Variants in ZFP30 observed in about 807,000 individuals in gnomAD.
ZFP30 encodes ZFP30 zinc finger protein, also known as zinc finger protein 30 homolog.
A neutral mutation model predicts 12.3 loss-of-function variants in ZFP30; 16 were observed. That is an observed-to-expected ratio of 1.30 (90% CI 0.88 to 1.98). The LOEUF is 1.98. Among genes scored for constraint, ZFP30 ranks in the 30% most tolerant of loss-of-function variants. The probability of loss-of-function intolerance (pLI) is 0.00; values close to 1 mark genes in which losing one functional copy is unlikely to be tolerated. For missense variants in ZFP30, 560 were observed against 611.2 expected (o/e 0.92, Z 0.88); for synonymous variants, 172 against 201.0 (o/e 0.86, Z 1.22).
rs772291024 is a variant in ZFP30 at position 37,635,336 on chromosome 19, C to T, written c.1205G>A (p.Gly402Asp). 1.2e-6 allele frequency: 2 copies of T among 1,614,000 alleles called. No homozygotes were observed. Among genetic ancestry groups the T allele is most frequent in the East Asian group, 2.2e-5 (1 of 44,874 alleles). ...RRYSELISHQ[G>D]IHIGEKPYEC... ...ATAAGGTTTCTCTCCAATGTGAATA[C>T]CCTGATGTGAAATAAGTTCTGAGTA... The change falls in exon 6 of 6, where the codon GGT becomes GAT. Residue 402 changes from glycine to aspartate, a missense_variant. By Grantham distance (94) the Gly-to-Asp change is moderately conservative. Coordinates refer to ENST00000684514, the MANE Select transcript of ZFP30 (RefSeq NM_001320669.3).
rs760883562 is a variant in ZFP30 at position 37,636,025 on chromosome 19, T to C, written c.516A>G (p.Gln172=). 6.2e-7 allele frequency: 1 copy of C among 1,613,890 alleles called. No homozygotes were observed. The highest frequency in any genetic ancestry group is 8.5e-7 in the Non-Finnish European group (1 of 1,179,918). ...ECGKAFRVRQ[Q]LTFHQRIHTG... is the part of the protein sequence containing the mutation. ...TATGAATTCTTTGATGGAAAGTAAG[T>C]TGTTGTCGTACTCTAAAAGCCTTCC... Residue 172 remains glutamine, a synonymous_variant, in exon 6 of 6, where the codon CAA becomes CAG. Coordinates refer to ENST00000684514, the MANE Select transcript of ZFP30 (RefSeq NM_001320669.3).
At chr19:37,651,427 T>C (rs1177323056) in intron 2 of ZFP30, 1 of 151,946 alleles carries the variant, frequency 6.6e-6, no homozygotes, top group Non-Finnish European at 1.5e-5. Flanking sequence ...ATACAAAAAA[T>C]TACCTGAGCA....
intron 3 of ZFP30, among the ~76,000 whole-genome samples, chr19:37,647,052 A>G (rs2044556432): frequency 6.6e-6 from 1 of 152,166 alleles, no homozygotes; most frequent in South Asian, 2.1e-4. Context: ...GACCTTGCAT[A>G]CTAGTCTACA....
chr19:37,646,087 A>T lies in ZFP30; in HGVS notation c.10-1351T>A, dbSNP rs566694465. 2.0e-5 allele frequency among the ~76,000 whole-genome samples: 3 copies of T among 152,290 alleles called. No homozygotes were observed. The South Asian group carries it at 6.2e-4, about 32-fold the overall frequency. ...CATGCCATTCTGAGTAGCATGACGA[A>T]ATCTCACACTAACCACTCCGCCCCA... is the stretch of plus-strand genomic sequence containing the variant. On this transcript the variant is annotated intron_variant, in intron 3 of 5. Transcript: ENST00000684514.
At chr19:37,651,961 A>C (rs1242938585) in intron 2 of ZFP30, among the ~76,000 whole-genome samples, 1 of 152,244 alleles carries the variant, frequency 6.6e-6, no homozygotes, top group Admixed American at 6.5e-5. Context: ...ATATATGATT[A>C]GATTTTTTAG....
At chr19:37,642,944 T>C (rs1229930284) in intron 5 of ZFP30, among the ~76,000 whole-genome samples, 1 of 145,422 alleles carries the variant, frequency 6.9e-6, no homozygotes, top group Non-Finnish European at 1.5e-5. Context: ...TCCCAGCTAC[T>C]GGGGAGGCTG....
Position 37,643,302 on chromosome 19 carries a change from C to CCA in ZFP30, c.196_197dup (p.Trp66CysfsTer5). On this transcript the variant is annotated frameshift_variant, in exon 5 of 6. Coordinates refer to ENST00000684514, the MANE Select transcript of ZFP30 (RefSeq NM_001320669.3). LOFTEE classifies it low-confidence loss of function (END_TRUNC). ...TTCTTTTCTCATCCCTCACAACCAT[C>CCA]CAGGGCTCTTTCCCTTGTTCCAATA... 4 of 1,611,314 alleles carry CCA rather than the reference C, an allele frequency of 2.5e-6. No homozygotes were observed. Among genetic ancestry groups the CCA allele is most frequent in the Non-Finnish European group, 3.4e-6 (4 of 1,178,964 alleles).
In ZFP30 at chr19:37,647,931, A is replaced by G. The variant is rs1445271143; in HGVS notation, c.-77-32T>C. ...AAAGAACATGTAAAATCATGAGAAG[A>G]GAACTGCCTCAGAGTTTCCAAATTT... On this transcript the variant is annotated intron_variant, in intron 2 of 5. Transcript: ENST00000684514. 10 of 1,346,078 alleles carry G rather than the reference A, an allele frequency of 7.4e-6. No individual in the cohort carries two copies. The East Asian group carries it at 2.1e-4, about 28-fold the overall frequency. The allele number at this position is 1,346,078 out of a possible 1,614,324, so 83.4% of individuals were successfully genotyped here.
At chr19:37,656,244 G>C (rs2044752969), upstream of ZFP30, 1 of 152,614 alleles carries the variant, frequency 6.6e-6, no homozygotes, top group South Asian at 2.1e-4. Context: ...GGTGGTGCCT[G>C]ACTCTGACGC....
chr19:37,634,305 A>G lies in ZFP30; in HGVS notation c.*676T>C, dbSNP rs898918100. On this transcript the variant is annotated 3_prime_UTR_variant, in exon 6 of 6. Transcript: ENST00000684514. Reference sequence around the variant, plus strand: ...GTTCAATATTTTTGGCAAGATGTGTATATCTTACTGTAGCACATTAGGAGG... The same window carrying G: ...GTTCAATATTTTTGGCAAGATGTGTGTATCTTACTGTAGCACATTAGGAGG... 2.6e-5 allele frequency: 4 copies of G among 152,156 alleles called. No individual in the cohort carries two copies. The highest frequency in any genetic ancestry group is 1.9e-4 in the East Asian group (1 of 5,198). The allele number at this position is 152,156 out of a possible 1,614,324, so 9.4% of individuals were successfully genotyped here.
intron 2 of ZFP30, among the ~76,000 whole-genome samples, chr19:37,652,018 A>G (rs2044661439): frequency 6.6e-6 from 1 of 152,212 alleles, no homozygotes; most frequent in Non-Finnish European, 1.5e-5. Context: ...AACTCTTAAA[A>G]TTTCAATTCT....
At chr19:37,652,248 A>G (rs2044665723) in intron 2 of ZFP30, among the ~76,000 whole-genome samples, 1 of 152,074 alleles carries the variant, frequency 6.6e-6, no homozygotes. Flanking sequence ...TTAAATTTGC[A>G]ATTAGTATTA....
rs2044318264 is a variant in ZFP30 at position 37,636,020 on chromosome 19, G to GT, written c.520dup (p.Thr174AsnfsTer10). 11 of 1,614,188 alleles carry GT rather than the reference G, an allele frequency of 6.8e-6. No homozygotes were observed. The highest frequency in any genetic ancestry group is 1.3e-5 in the African/African-American group (1 of 75,056). Reference sequence around the variant, plus strand: ...ACCAGTATGAATTCTTTGATGGAAAGTAAGTTGTTGTCGTACTCTAAAAGC... The same window carrying GT: ...ACCAGTATGAATTCTTTGATGGAAAGTTAAGTTGTTGTCGTACTCTAAAAGC... On this transcript the variant is annotated frameshift_variant, in exon 6 of 6. Coordinates refer to ENST00000684514, the MANE Select transcript of ZFP30 (RefSeq NM_001320669.3). LOFTEE classifies it low-confidence loss of function (END_TRUNC).
chr19:37,643,052 CAAAAAA>C lies in ZFP30; in HGVS notation c.235+207_235+212del, dbSNP rs951396776. Among the ~76,000 whole-genome samples the C allele has an allele frequency of 1.3e-4, 8 of 61,420 alleles. No homozygotes were observed. The South Asian group carries it at 4.7e-3, about 36-fold the overall frequency. The allele number at this position is 61,420 out of a possible 152,430, so 40.3% of individuals were successfully genotyped here. A position where few individuals can be genotyped will look rare whatever the true frequency, so the allele number is the denominator to read the frequency against. ...TGGGCGACAGAGCGAGACTCCGTCT[CAAAAAA>C]AAAAAAAAAAAAAGAAAAAAAAAGA... On this transcript the variant is annotated intron_variant, in intron 5 of 5. Transcript: ENST00000684514.
chr19:37,643,406 G>C (rs1353796653), intron 4 of ZFP30, 43 bp from the exon 5 acceptor site: 1 of 1,357,256 alleles, frequency 7.4e-7, no homozygotes, highest in Non-Finnish European at 9.8e-7. Context: ...TTTATTTAAG[G>C]CTTCAAAACA....
chr19:37,634,769 T>A lies in ZFP30; in HGVS notation c.*212A>T. 2.0e-6 allele frequency: 1 copy of A among 493,124 alleles called. No homozygotes were observed. Among genetic ancestry groups the A allele is most frequent in the Admixed American group, 3.8e-5 (1 of 26,086 alleles). The allele number at this position is 493,124 out of a possible 1,614,324, so 30.5% of individuals were successfully genotyped here. A position where few individuals can be genotyped will look rare whatever the true frequency, so the allele number is the denominator to read the frequency against. On this transcript the variant is annotated 3_prime_UTR_variant, in exon 6 of 6. Transcript: ENST00000684514. ...ACATTCAGTCCTGTAATAAAGTTCT[T>A]TTCTAGGATGAATTTCCTAAAGTTT...
intron 5 of ZFP30, among the ~76,000 whole-genome samples, chr19:37,638,195 C>T (rs1470835024): frequency 6.6e-6 from 1 of 152,146 alleles, no homozygotes; most frequent in Admixed American, 6.5e-5. Context: ...TTTGCATAAT[C>T]ATAAGTGAAC....
Position 37,636,270 on chromosome 19 carries a change from G to C in ZFP30, c.271C>G (p.Gln91Glu). The C allele has an allele frequency of 6.3e-7, 1 of 1,599,880 alleles. No homozygotes were observed. Among genetic ancestry groups the C allele is most frequent in the Non-Finnish European group, 8.5e-7 (1 of 1,174,642 alleles). Residue 91 changes from glutamine to glutamate, a missense_variant, in exon 6 of 6, where the codon CAA becomes GAA. Gln to Glu is a conservative substitution (Grantham distance 29, BLOSUM62 2). Transcript: ENST00000684514. ...TTCATTTCATAAATATCCTTTCCTTGAAATAACTTTTTAGTGTCATATCTG... is the reference window on the plus strand; with the variant it reads ...TTCATTTCATAAATATCCTTTCCTTCAAATAACTTTTTAGTGTCATATCTG... ...ESRYDTKKLF[Q>E]GKDIYEMNLS...
chr19:37,653,732 A>G (rs953753585), intron 2 of ZFP30, among the ~76,000 whole-genome samples: 2 of 152,202 alleles, frequency 1.3e-5, no homozygotes, highest in African/African-American at 4.8e-5. Flanking sequence ...GAGCTTATAC[A>G]ACTCTGATAA....
Sources: gnomAD v4.1 joint callset for allele counts (sites outside exome capture counted in the v4.1 genomes callset) on GRCh38, gnomAD v4.1.1 for gene constraint, MANE v1.5 for transcripts, NCBI Gene and HGNC (gene_info 2026-07-23, HGNC 2026-07-21) for gene names.